CDC42EP4: variants seen among roughly 807,000 people sequenced by gnomAD.
CDC42EP4 encodes the protein CDC42 effector protein 4.
In CDC42EP4, 6 loss-of-function variants were observed where a neutral mutation model predicts 5.6. The observed-to-expected ratio is 1.07, with a 90% CI of 0.59 to 2.12. The LOEUF (loss-of-function observed/expected upper bound fraction) is 2.12, where lower values mean the gene tolerates loss of function less well. Ranked by LOEUF, CDC42EP4 falls within the 30% of genes most tolerant of loss-of-function variation. The pLI, the probability that CDC42EP4 is intolerant of heterozygous loss-of-function variation, is 0.00. For missense variants in CDC42EP4, 490 were observed against 508.6 expected (o/e 0.96, Z 0.35); for synonymous variants, 230 against 224.2 (o/e 1.03, Z -0.23).
intron 1 of CDC42EP4, among the ~76,000 whole-genome samples, chr17:73,299,133 A>G (rs986290494): frequency 2.0e-5 from 3 of 152,204 alleles, no homozygotes; most frequent in Middle Eastern, 3.4e-3. Context: ...TATTAAAAAT[A>G]AATACATAGG....
intron 1 of CDC42EP4, among the ~76,000 whole-genome samples, chr17:73,293,476 C>T (rs924258231): frequency 1.3e-5 from 2 of 152,160 alleles, no homozygotes; most frequent in Non-Finnish European, 2.9e-5. Context: ...CTTCCAGGGG[C>T]AGCCTCTGGT....
At chr17:73,306,712 C>T (rs2062245709) in intron 1 of CDC42EP4, 1 of 152,224 alleles carries the variant, frequency 6.6e-6, no homozygotes, top group South Asian at 2.1e-4. Flanking sequence ...GAACAGGTCC[C>T]TTTCTGATGC....
chr17:73,307,317 G>A (rs971454089), intron 1 of CDC42EP4: 5 of 152,214 alleles, frequency 3.3e-5, no homozygotes, highest in Non-Finnish European at 7.3e-5. Flanking sequence ...GGCAGTGCCT[G>A]GGGGAGACTC....
At chr17:73,298,489 G>C (rs548255729) in intron 1 of CDC42EP4, among the ~76,000 whole-genome samples, 12 of 152,314 alleles carry the variant, frequency 7.9e-5, no homozygotes, top group South Asian at 2.1e-4. Context: ...CCACATAACA[G>C]TGGGATCCTC....
chr17:73,299,051 G>A (rs2062203306), intron 1 of CDC42EP4, among the ~76,000 whole-genome samples: 1 of 151,866 alleles, frequency 6.6e-6, no homozygotes, highest in African/African-American at 2.4e-5. Flanking sequence ...AACTTCCCGG[G>A]CTGAAGTGAT....
At chr17:73,298,321 G>C (rs182795772) in intron 1 of CDC42EP4, among the ~76,000 whole-genome samples, 1 of 152,262 alleles carries the variant, frequency 6.6e-6, no homozygotes, top group African/African-American at 2.4e-5. Flanking sequence ...AGGGAGATCG[G>C]GACCCTCTCA....
At chr17:73,288,671 C>T (rs1191536092) in intron 1 of CDC42EP4, among the ~76,000 whole-genome samples, 1 of 152,110 alleles carries the variant, frequency 6.6e-6, no homozygotes, top group East Asian at 1.9e-4. Context: ...GGAAGTCCAG[C>T]ACCTCCCTCC....
chr17:73,285,782 T>C lies in CDC42EP4; in HGVS notation c.719A>G (p.His240Arg). Residue 240 changes from histidine (H) to arginine (R), a missense_variant, in exon 2 of 2, where the codon CAT (histidine) becomes CGT (arginine). Transcript: ENST00000335793. The surrounding 1 kb of genome is among the most constrained non-coding windows in gnomAD (Gnocchi z 6.8). ...WDPEEGEGGY[H>R]GDEGAAGTIT... ...GGTGCCAGCGGCGCCCTCATCGCCA[T>C]GGTAACCACCCTCCCCCTCCTCGGG... 6.2e-6 allele frequency: 10 copies of C among 1,600,634 alleles called. No homozygotes were observed. Among genetic ancestry groups the C allele is most frequent in the Non-Finnish European group, 8.6e-6 (10 of 1,168,930 alleles).
intron 1 of CDC42EP4, among the ~76,000 whole-genome samples, chr17:73,303,266 C>A (rs985852923): frequency 9.2e-5 from 14 of 151,942 alleles, no homozygotes; most frequent in Non-Finnish European, 1.6e-4. Context: ...TGGCTTGAAC[C>A]CAGAAAGCAG....
chr17:73,302,939 G>A (rs2145324586), intron 1 of CDC42EP4, among the ~76,000 whole-genome samples: 1 of 149,842 alleles, frequency 6.7e-6, no homozygotes, highest in East Asian at 2.0e-4. Flanking sequence ...AGCTACTCGG[G>A]AGGCTGAGGC....
rs137857874 is a variant in CDC42EP4 at position 73,300,386 on chromosome 17, G to A, written c.-113+11507C>T. ...AGGGAGGAGTCTACTGGGAAGGGGG[G>A]TGAATCAGGGAGAGCAGGGATCATA... is the stretch of plus-strand genomic sequence containing the variant. On this transcript the variant is annotated intron_variant, in intron 1 of 1. Coordinates refer to ENST00000335793, the MANE Select transcript of CDC42EP4 (RefSeq NM_012121.5). 5.0e-3 allele frequency among the ~76,000 whole-genome samples: 754 copies of A among 152,284 alleles called. 4 individuals are homozygous for A. Among genetic ancestry groups the A allele is most frequent in the African/African-American group, 0.017 (724 of 41,540 alleles).
intron 1 of CDC42EP4, among the ~76,000 whole-genome samples, chr17:73,308,275 G>A (rs561083208): frequency 3.9e-5 from 6 of 152,222 alleles, no homozygotes; most frequent in Non-Finnish European, 7.4e-5. Flanking sequence ...CCTCACGGTC[G>A]GGAAAAATCC....
Position 73,285,649 on chromosome 17 carries a change from C to A in CDC42EP4, c.852G>T (p.Glu284Asp). Reference protein sequence around the residue: ...PSLPSHALEDEGWAAAAPSPG... With the variant: ...PSLPSHALEDDGWAAAAPSPG... Reference sequence around the variant, plus strand: ...GGCTGGGGGCCGCTGCTGCCCACCCCTCATCCTCCAGAGCATGGGAGGGGA... The same window carrying A: ...GGCTGGGGGCCGCTGCTGCCCACCCATCATCCTCCAGAGCATGGGAGGGGA... Residue 284 changes from glutamate to aspartate, a missense_variant, in exon 2 of 2, where the codon GAG (glutamate) becomes GAT (aspartate). Transcript: ENST00000335793. The surrounding 1 kb of genome is among the most constrained non-coding windows in gnomAD (Gnocchi z 6.8). 6.3e-7 allele frequency: 1 copy of A among 1,593,220 alleles called. No individual in the cohort carries two copies.
At chr17:73,291,768 C>T (rs1363104379) in intron 1 of CDC42EP4, among the ~76,000 whole-genome samples, 5 of 152,274 alleles carry the variant, frequency 3.3e-5, no homozygotes, top group South Asian at 4.1e-4. Context: ...TCACAGCCCT[C>T]CCTAGCTCTC....
At chr17:73,300,354 G>C (rs1300395454) in intron 1 of CDC42EP4, among the ~76,000 whole-genome samples, 2 of 152,190 alleles carry the variant, frequency 1.3e-5, no homozygotes, top group Admixed American at 1.3e-4. Context: ...CCGGGTGTGG[G>C]TCAGGGAGGG....
In CDC42EP4 at chr17:73,286,025, G is replaced by T. The variant is rs774739636; in HGVS notation, c.476C>A (p.Thr159Lys). The change falls in exon 2 of 2, where the codon ACG (threonine) becomes AAG (lysine). Residue 159 changes from threonine (T) to lysine (K), a missense_variant. Transcript: ENST00000335793. This position sits in a 1 kb window ranked among gnomAD's most constrained non-coding sequence, Gnocchi z 7.7. ...DGEGGDEEAG[T>K]EEAVPRRNGA... is the part of the protein sequence containing the mutation. ...ATTCCGACGGGGCACTGCCTCCTCC[G>T]TGCCCGCCTCCTCATCGCCGCCCTC... The T allele has an allele frequency of 1.9e-5, 31 of 1,613,582 alleles. No homozygotes were observed. The highest frequency in any genetic ancestry group is 5.9e-6 in the Non-Finnish European group (7 of 1,179,996).
intron 1 of CDC42EP4, among the ~76,000 whole-genome samples, chr17:73,292,413 C>A (rs1287956557): frequency 6.6e-6 from 1 of 152,058 alleles, no homozygotes; most frequent in East Asian, 1.9e-4. Context: ...TGCAGACCCA[C>A]TGATATTCAC....
At chr17:73,299,354 C>T (rs1355165524) in intron 1 of CDC42EP4, among the ~76,000 whole-genome samples, 1 of 145,094 alleles carries the variant, frequency 6.9e-6, no homozygotes, top group Admixed American at 7.1e-5. Context: ...GGCGTGAACC[C>T]GGGAGGCGGA....
At chr17:73,299,788 A>G (rs902804704) in intron 1 of CDC42EP4, among the ~76,000 whole-genome samples, 2 of 152,104 alleles carry the variant, frequency 1.3e-5, no homozygotes, top group African/African-American at 4.8e-5. Flanking sequence ...TCTTGGAGCT[A>G]AGACTCACAT....
Sources: allele counts gnomAD v4.1 joint callset (sites outside exome capture counted in the v4.1 genomes callset), GRCh38; gene constraint gnomAD v4.1.1; non-coding constraint Gnocchi (gnomAD v3.1); transcripts MANE v1.5; gene names NCBI Gene and HGNC (gene_info 2026-07-23, HGNC 2026-07-21).